Variants in DOK4 observed in about 807,000 individuals in gnomAD.
DOK4 encodes docking protein 4, also known as downstream of tyrosine kinase 4.
Under a neutral mutation model 40.1 loss-of-function variants are expected in DOK4, and 26 were observed. The ratio of observed to expected loss-of-function variants is 0.65; its 90% confidence interval spans 0.48 to 0.90. The LOEUF (loss-of-function observed/expected upper bound fraction) is 0.90, where lower values mean the gene tolerates loss of function less well. DOK4 is among the 40% of genes least tolerant of loss of function. The pLI is 0.00. For synonymous variants in DOK4, 179 were observed against 177.0 expected, an observed-to-expected ratio of 1.01 and a Z score of -0.09; for missense variants, 392 against 437.2, an observed-to-expected ratio of 0.90 and a Z score of 0.92.
rs745989966 is a variant in DOK4 at position 57,475,106 on chromosome 16, G to A, written c.403C>T (p.Gln135Ter). The change falls in exon 5 of 9, where the codon CAG (glutamine) becomes TAG (stop). Residue 135 changes from glutamine to a stop codon, truncating the protein, a stop_gained. Coordinates refer to ENST00000340099, the Ensembl canonical transcript of DOK4. LOFTEE classifies it high-confidence loss of function. ...GGCCAGGGCCCGGCCTCACCTGTCTGTTCACACTGCACCCCTGGGGCCAGG... is the reference window on the plus strand; with the variant it reads ...GGCCAGGGCCCGGCCTCACCTGTCTATTCACACTGCACCCCTGGGGCCAGG... 1 of 1,613,442 alleles carries A rather than the reference G, an allele frequency of 6.2e-7. No individual in the cohort carries two copies. Among genetic ancestry groups the A allele is most frequent in the South Asian group, 1.1e-5 (1 of 91,048 alleles).
At chr16:57,475,078 C>A (rs375920480) in intron 5 of DOK4, 22 bp downstream of exon 5, 1 of 1,608,734 alleles carries the variant, frequency 6.2e-7, no homozygotes, top group African/African-American at 1.3e-5. Context: ...TCCCCACCCC[C>A]AGGGCCAGGG....
chr16:57,485,965 G>T lies in DOK4; in HGVS notation c.-182+340C>A, dbSNP rs1193860327. On this transcript the variant is annotated intron_variant, in intron 1 of 8. Coordinates refer to ENST00000340099, the Ensembl canonical transcript of DOK4. The surrounding 1 kb of genome is among the most constrained non-coding windows in gnomAD (Gnocchi z 4.3). ...AGAGAGAAGGTTGGGAGCTGCCAGG[G>T]GCTGGGTTATGCCCCTTCCGGGGGG... Among the ~76,000 whole-genome samples, 1 of 152,194 alleles carries T rather than the reference G, an allele frequency of 6.6e-6. No homozygotes were observed. Among genetic ancestry groups the T allele is most frequent in the African/African-American group, 2.4e-5 (1 of 41,464 alleles).
chr16:57,473,494 A>G (rs2030976614), exon 9 of DOK4: 1 of 1,614,114 alleles, frequency 6.2e-7, no homozygotes. Flanking sequence ...CATACCCCTC[A>G]CCTGTGGGCA....
rs961127399 is a variant in DOK4, at chr16:57,473,159, A to G, written c.*218T>C. 3.4e-5 allele frequency: 21 copies of G among 615,168 alleles called. No homozygotes were observed. In the Admixed American group the frequency reaches 6.0e-4, roughly 17 times the overall value. The allele number at this position is 615,168 out of a possible 1,614,324, so 38.1% of individuals were successfully genotyped here. A position where few individuals can be genotyped will look rare whatever the true frequency, so the allele number is the denominator to read the frequency against. ...CATATATATTAAAATCATTAACAGTATATAGTCCCACGGTAGCTCCAACCC... is the reference window on the plus strand; with the variant it reads ...CATATATATTAAAATCATTAACAGTGTATAGTCCCACGGTAGCTCCAACCC... On this transcript the variant is annotated 3_prime_UTR_variant, in exon 9 of 9. Transcript: ENST00000340099.
Position 57,475,090 on chromosome 16 carries a change from C to T in DOK4, c.409+10G>A. The T allele has an allele frequency of 3.7e-6, 6 of 1,612,652 alleles. No individual in the cohort carries two copies. The highest frequency in any genetic ancestry group is 5.1e-6 in the Non-Finnish European group (6 of 1,179,168). On this transcript the variant is annotated intron_variant, in intron 5 of 8. Transcript: ENST00000340099. ...CCCTCCCCACCCCCAGGGCCAGGGC[C>T]CGGCCTCACCTGTCTGTTCACACTG... is the stretch of plus-strand genomic sequence containing the variant.
At chr16:57,472,542 C>T (rs1156741747) in exon 9 of DOK4, 3 of 152,668 alleles carry the variant, frequency 2.0e-5, no homozygotes, top group African/African-American at 7.2e-5. Flanking sequence ...CACCCCTGGT[C>T]AGTGAGAGGG....
rs764519968 is a variant in DOK4, at chr16:57,475,022, C to T, written c.410-40G>A. 11 of 1,600,398 alleles carry T rather than the reference C, an allele frequency of 6.9e-6. No individual in the cohort carries two copies. In the Admixed American group the frequency reaches 1.9e-4, roughly 27 times the overall value. The stretch of plus-strand genomic sequence containing the variant: ...GGTGGACAAGTGGGACCAGAGTTGC[C>T]CCAGATGGGGACTTCCTCCCTCCCT... On this transcript the variant is annotated intron_variant, in intron 5 of 8. Coordinates refer to ENST00000340099, the Ensembl canonical transcript of DOK4.
intron 1 of DOK4, among the ~76,000 whole-genome samples, chr16:57,482,347 T>TAG (rs1179162823): frequency 6.8e-6 from 1 of 147,114 alleles, no homozygotes; most frequent in Non-Finnish European, 1.5e-5. Context: ...AACTTGTTTG[T>TAG]AGAGATGGGG....
At chr16:57,484,824 A>G (rs1365711522) in intron 1 of DOK4, among the ~76,000 whole-genome samples, 1 of 152,214 alleles carries the variant, frequency 6.6e-6, no homozygotes, top group African/African-American at 2.4e-5. Flanking sequence ...GGCTGTCTTC[A>G]TCGCACATCA....
chr16:57,473,390 G>A (rs1443544515), exon 9 of DOK4: 3 of 1,613,692 alleles, frequency 1.9e-6, no homozygotes, highest in Non-Finnish European at 2.5e-6. Flanking sequence ...CTGGGATGGG[G>A]TCTTGGCCTC....
At chr16:57,478,875 T>C (rs1305687987) in intron 2 of DOK4, among the ~76,000 whole-genome samples, 3 of 152,226 alleles carry the variant, frequency 2.0e-5, no homozygotes, top group Non-Finnish European at 2.9e-5. Flanking sequence ...CACCACCCCG[T>C]CTCGCCCAGC....
chr16:57,475,543 G>A (rs1242520904), exon 4 of DOK4: 2 of 1,609,750 alleles, frequency 1.2e-6, no homozygotes, highest in African/African-American at 2.7e-5. Context: ...AGTCATCAGT[G>A]AATATGATGG....
chr16:57,478,091 T>A (rs551187646), intron 2 of DOK4, among the ~76,000 whole-genome samples: 3 of 152,336 alleles, frequency 2.0e-5, no homozygotes, highest in African/African-American at 7.2e-5. Context: ...AGAAGTGATG[T>A]TAGAAGCGAA....
At chr16:57,473,214 C>G in exon 9 of DOK4, 1 of 1,086,638 alleles carries the variant, frequency 9.2e-7, no homozygotes, top group South Asian at 1.7e-5. Flanking sequence ...TGTGGCCAGC[C>G]CTTTGCCTCA....
rs117414939 is a variant in DOK4, at chr16:57,478,543, C to A, written c.66+899G>T. 1,521 of 152,458 alleles carry A rather than the reference C, an allele frequency of 1.0e-2. 15 individuals are homozygous for A. Among genetic ancestry groups the A allele is most frequent in the Non-Finnish European group, 0.013 (890 of 68,128 alleles). 9.4% of individuals were successfully genotyped at this position (152,458 alleles called of 1,614,324 possible). A position where few individuals can be genotyped will look rare whatever the true frequency, so the allele number is the denominator to read the frequency against. ...TACAGGGGAAGGGGCAACTGCCAGA[C>A]CTGTCTTTGGCAGGGGGGCCTGGCA... On this transcript the variant is annotated intron_variant, in intron 2 of 8. Transcript: ENST00000340099.
At position 57,475,573 on chromosome 16, in the gene DOK4, C is replaced by A. The variant is rs76275521; in HGVS notation, c.222G>T (p.Glu74Asp). 2.2e-3 allele frequency: 3,464 copies of A among 1,610,028 alleles called. 58 individuals are homozygous for A. The African/African-American group carries it at 0.038, about 18-fold the overall frequency. Reference sequence around the variant, plus strand: ...TGATGGCCACCGCCTGCCGCTTGGTCTCCTTGGGGAGCCGCGTAACACACT... The same window carrying A: ...TGATGGCCACCGCCTGCCGCTTGGTATCCTTGGGGAGCCGCGTAACACACT... The change falls in exon 4 of 9, where the codon GAG (glutamate) becomes GAT (aspartate). Residue 74 changes from glutamate (E) to aspartate (D), a missense_variant. Glu to Asp is a conservative substitution (Grantham distance 45). Coordinates refer to ENST00000340099, the Ensembl canonical transcript of DOK4.
intron 4 of DOK4, 24 bp downstream of exon 4, chr16:57,475,482 T>TG (rs781163209): frequency 6.3e-7 from 1 of 1,574,972 alleles, no homozygotes; most frequent in Non-Finnish European, 8.7e-7. Context: ...GGGAGGCAGA[T>TG]GGAGGCCCAT....
At chr16:57,481,699 G>C (rs2031414180) in intron 1 of DOK4, 1 of 152,252 alleles carries the variant, frequency 6.6e-6, no homozygotes, top group African/African-American at 2.4e-5. Context: ...ACAGCCCGGA[G>C]TGTGAATCCA....
intron 2 of DOK4, 196 bp from the exon 3 acceptor site, chr16:57,476,153 A>T: frequency 1.7e-6 from 1 of 577,004 alleles, no homozygotes; most frequent in Non-Finnish European, 3.1e-6. Flanking sequence ...CCAAATTGAA[A>T]AGTCATTGAC....
Sources: allele counts gnomAD v4.1 joint callset (sites outside exome capture counted in the v4.1 genomes callset), GRCh38; gene constraint gnomAD v4.1.1; non-coding constraint Gnocchi (gnomAD v3.1); transcripts MANE v1.5; gene names NCBI Gene and HGNC (gene_info 2026-07-23, HGNC 2026-07-21).